The following TCEA3 variants were observed in gnomAD, a reference collection of about 807,000 sequenced individuals.
The protein encoded by TCEA3 is transcription elongation factor A protein 3.
Under a neutral mutation model 44.0 loss-of-function variants are expected in TCEA3, and 36 were observed. The observed-to-expected ratio is 0.82, with a 90% CI of 0.63 to 1.08. The LOEUF (loss-of-function observed/expected upper bound fraction) is 1.08. TCEA3 is among the 50% of genes least tolerant of loss of function. TCEA3 has a pLI of 0.00. For missense variants in TCEA3, 392 were observed against 441.2 expected (o/e 0.89, Z 1.00); for synonymous variants, 162 against 159.7 (o/e 1.01, Z -0.11).
intron 7 of TCEA3, among the ~76,000 whole-genome samples, chr1:23,396,603 A>T (rs1440409221): frequency 1.3e-5 from 2 of 152,168 alleles, no homozygotes; most frequent in African/African-American, 4.8e-5. Context: ...CTCATCTGTA[A>T]AATGGGAACA....
intron 8 of TCEA3, among the ~76,000 whole-genome samples, chr1:23,393,229 A>G (rs1008038274): frequency 1.3e-5 from 2 of 152,102 alleles, no homozygotes; most frequent in Non-Finnish European, 2.9e-5. Flanking sequence ...TGATGGGGAG[A>G]GGCTGTAAAT....
rs33960365 is a variant in TCEA3 at position 23,413,986 on chromosome 1, G to GTATATATATATATATATA, written c.380+3245_380+3262dup. 3.7e-4 allele frequency among the ~76,000 whole-genome samples: 52 copies of GTATATATATATATATATA among 141,000 alleles called. 2 individuals carry two copies. Among genetic ancestry groups the GTATATATATATATATATA allele is most frequent in the African/African-American group, 1.2e-3 (46 of 38,674 alleles). 92.5% of individuals were successfully genotyped at this position (141,000 alleles called of 152,430 possible). On this transcript the variant is annotated intron_variant, in intron 4 of 10. Transcript: ENST00000450454. ...ATGCATAGGAATAGTCTAGCAGGAT[G>GTATATATATATATATATA]TATATATATATATATATATATATAA...
At chr1:23,413,014 C>T (rs1014005179) in intron 4 of TCEA3, among the ~76,000 whole-genome samples, 4 of 152,234 alleles carry the variant, frequency 2.6e-5, no homozygotes, top group Non-Finnish European at 5.9e-5. Flanking sequence ...CCAGCGACAG[C>T]TTCATTTCTG....
rs961241389 is a variant in TCEA3 at position 23,399,178 on chromosome 1, A to C, written c.444-1223T>G. 5.1e-4 allele frequency among the ~76,000 whole-genome samples: 72 copies of C among 141,146 alleles called. 1 individual carries two copies. Among genetic ancestry groups the C allele is most frequent in the African/African-American group, 1.6e-3 (61 of 38,816 alleles). The allele number at this position is 141,146 out of a possible 152,430, so 92.6% of individuals were successfully genotyped here. ...TATATATATATATATATATATATAT[A>C]TCCATATGTGCACAGACATTTAGAA... On this transcript the variant is annotated intron_variant, in intron 5 of 10. Transcript: ENST00000450454.
intron 10 of TCEA3, among the ~76,000 whole-genome samples, chr1:23,382,171 C>T (rs971969861): frequency 7.2e-5 from 11 of 152,108 alleles, no homozygotes; most frequent in African/African-American, 2.2e-4. Flanking sequence ...CTCAGCCTCC[C>T]GAGTAGCTGG....
At chr1:23,383,538 T>A in intron 10 of TCEA3, 18 of 949,906 alleles carry the variant, frequency 1.9e-5, no homozygotes, top group Non-Finnish European at 2.3e-5. Flanking sequence ...TTTTGCTCAA[T>A]GAGGTGAGTA....
chr1:23,390,303 T>C (rs923168667), intron 8 of TCEA3, among the ~76,000 whole-genome samples: 1 of 152,138 alleles, frequency 6.6e-6, no homozygotes, highest in African/African-American at 2.4e-5. Context: ...ACTTCGTCTC[T>C]ACTAAAAATA....
intron 9 of TCEA3, among the ~76,000 whole-genome samples, 162 bp from the exon 10 acceptor site, chr1:23,384,579 T>G (rs1425020949): frequency 1.3e-5 from 2 of 152,012 alleles, no homozygotes; most frequent in African/African-American, 4.8e-5. Flanking sequence ...AATATTAGTA[T>G]TATGCTTTCC....
At chr1:23,394,954 G>A (rs1023603227) in intron 7 of TCEA3, among the ~76,000 whole-genome samples, 2 of 152,202 alleles carry the variant, frequency 1.3e-5, no homozygotes, top group African/African-American at 4.8e-5. Flanking sequence ...GGAGGAGCTC[G>A]GGGAACACAG....
chr1:23,408,831 TAAGGAA>T, intron 4 of TCEA3, 105 bp from the exon 5 acceptor site: 1 of 1,126,868 alleles, frequency 8.9e-7, no homozygotes, highest in Non-Finnish European at 1.3e-6. Context: ...GGCTTGAGGC[TAAGGAA>T]GCCCACCCGG....
chr1:23,397,803 A>G lies in TCEA3; in HGVS notation c.596T>C (p.Leu199Pro). The G allele has an allele frequency of 6.2e-7, 1 of 1,613,940 alleles. No individual in the cohort carries two copies. Among genetic ancestry groups the G allele is most frequent in the Non-Finnish European group, 8.5e-7 (1 of 1,179,900 alleles). The change falls in exon 6 of 11, where the codon CTG (leucine) becomes CCG (proline). Residue 199 changes from leucine (L) to proline (P), a missense_variant. By Grantham distance (98) the Leu-to-Pro change is moderately conservative. Coordinates refer to ENST00000450454, the MANE Select transcript of TCEA3 (RefSeq NM_003196.3). ...DKCVEMLSAA[L>P]KADDDYKDYG... ...CCAGGCTCTCTCACCGTCCGCCTTC[A>G]GGGCTGCTGACAGCATCTCCACACA...
At chr1:23,415,014 CTTTTTTTTTTTTTTTT>C (rs59946326) in intron 4 of TCEA3, among the ~76,000 whole-genome samples, 14 of 43,116 alleles carry the variant, frequency 3.2e-4, no homozygotes, top group Non-Finnish European at 6.0e-4. Flanking sequence ...CTTTACTGTT[CTTTTTTTTTTTTTTTT>C]TTTTTTTTTT....
rs1352422322 is a variant in TCEA3, at chr1:23,397,858, A to T, written c.541T>A (p.Tyr181Asn). The T allele has an allele frequency of 6.2e-7, 1 of 1,613,994 alleles. No homozygotes were observed. The highest frequency in any genetic ancestry group is 8.5e-7 in the Non-Finnish European group (1 of 1,179,890). The part of the protein sequence containing the change: ...ASSMCLLAPC[Y>N]LTGDSVRDKC... Reference sequence around the variant, plus strand: ...TCCCGGACAGAGTCCCCTGTGAGATAGCAGGGGGCCAGGAGACACATGGAA... The same window carrying T: ...TCCCGGACAGAGTCCCCTGTGAGATTGCAGGGGGCCAGGAGACACATGGAA... Residue 181 changes from tyrosine to asparagine, a missense_variant, in exon 6 of 11, where the codon TAT becomes AAT. Transcript: ENST00000450454.
At chr1:23,396,394 AT>A (rs143831328) in intron 7 of TCEA3, among the ~76,000 whole-genome samples, 6,134 of 151,916 alleles carry the variant, frequency 0.04, 342 homozygotes, top group South Asian at 0.25. Context: ...GTGGGGTGGG[AT>A]TTTTTTTCTC....
At chr1:23,382,924 C>A (rs896190374) in intron 10 of TCEA3, among the ~76,000 whole-genome samples, 1 of 152,160 alleles carries the variant, frequency 6.6e-6, no homozygotes, top group African/African-American at 2.4e-5. Context: ...CTGGTTTTTA[C>A]CTTAAAAAAT....
rs1639944229 is a variant in TCEA3, at chr1:23,417,997, C to G, written c.145G>C (p.Gly49Arg). Residue 49 changes from glycine (G) to arginine (R), a missense_variant, in exon 3 of 11, where the codon GGA (glycine) becomes CGA (arginine). By Grantham distance (125) the Gly-to-Arg change is moderately radical. Coordinates refer to ENST00000450454, the MANE Select transcript of TCEA3 (RefSeq NM_003196.3). ...SIQLLQTTRI[G>R]VAVNGVRKHC... is the part of the protein sequence containing the mutation. ...TTGCGGACCCCATTAACAGCAACTCCAATCCTGGTTGTCTGCAAAGTGAGA... is the reference window on the plus strand; with the variant it reads ...TTGCGGACCCCATTAACAGCAACTCGAATCCTGGTTGTCTGCAAAGTGAGA... The G allele has an allele frequency of 6.2e-7, 1 of 1,613,942 alleles. No individual in the cohort carries two copies. Among genetic ancestry groups the G allele is most frequent in the Non-Finnish European group, 8.5e-7 (1 of 1,179,898 alleles).
At position 23,424,670 on chromosome 1, in the gene TCEA3, G is replaced by A. The variant is rs1640168725; in HGVS notation, c.-37C>T. On this transcript the variant is annotated 5_prime_UTR_variant, in exon 1 of 11. Transcript: ENST00000450454. ...ACGCCCGGCGGGGCGAGGGGCACAG[G>A]GGCAGCAGTAGGGCCTCGGGGGCAG... 1.9e-6 allele frequency: 3 copies of A among 1,568,370 alleles called. No individual in the cohort carries two copies. The highest frequency in any genetic ancestry group is 1.7e-5 in the Admixed American group (1 of 58,862).
At chr1:23,416,151 C>T (rs571509302) in intron 4 of TCEA3, among the ~76,000 whole-genome samples, 2 of 151,878 alleles carry the variant, frequency 1.3e-5, no homozygotes, top group Non-Finnish European at 2.9e-5. Context: ...GGATTACAGG[C>T]ATGTGCCACC....
intron 7 of TCEA3, 89 bp downstream of exon 7, chr1:23,397,456 C>G: frequency 1.6e-6 from 2 of 1,260,556 alleles, no homozygotes; most frequent in South Asian, 2.7e-5. Context: ...CCCTTCCTCT[C>G]CTTCCTCACT....
Sources: gnomAD v4.1 joint callset for allele counts (sites outside exome capture counted in the v4.1 genomes callset) on GRCh38, gnomAD v4.1.1 for gene constraint, MANE v1.5 for transcripts, NCBI Gene and HGNC (gene_info 2026-07-23, HGNC 2026-07-21) for gene names.